Variants in DGKD observed in about 807,000 individuals in gnomAD.
The protein encoded by DGKD is diacylglycerol kinase delta, also known as DAG kinase delta.
Under a neutral mutation model 154.4 loss-of-function variants are expected in DGKD, and 68 were observed. The ratio of observed to expected loss-of-function variants is 0.44; its 90% confidence interval spans 0.36 to 0.54. The LOEUF (loss-of-function observed/expected upper bound fraction) is 0.54, where lower values mean the gene tolerates loss of function less well. Among genes scored for constraint, DGKD ranks in the 20% least tolerant of loss-of-function variants. DGKD has a pLI of 0.00. For synonymous variants in DGKD, 693 were observed against 638.0 expected, an observed-to-expected ratio of 1.09 and a Z score of -1.30; for missense variants, 1,343 against 1,593.6, an observed-to-expected ratio of 0.84 and a Z score of 2.68.
intron 10 of DGKD, chr2:233,442,425 C>T (rs2062927393): frequency 3.2e-6 from 1 of 311,768 alleles, no homozygotes; most frequent in Non-Finnish European, 6.4e-6. Flanking sequence ...ATAGATTTTC[C>T]TGATTGTGTA....
intron 16 of DGKD, among the ~76,000 whole-genome samples, 168 bp downstream of exon 16, chr2:233,450,299 G>A (rs1374297637): frequency 6.6e-6 from 1 of 152,060 alleles, no homozygotes; most frequent in Admixed American, 6.5e-5. Flanking sequence ...TCCTGTGCGC[G>A]CCCTTGAGGT....
rs184457878 is a variant in DGKD, at chr2:233,440,107, A to G, written c.1085+1728A>G. ...CCATGTTTCGTAGTGGGAGTTAAGTATGAGATGGGATGATTTAGGAAGCCC... is the reference window on the plus strand; with the variant it reads ...CCATGTTTCGTAGTGGGAGTTAAGTGTGAGATGGGATGATTTAGGAAGCCC... On this transcript the variant is annotated intron_variant, in intron 9 of 29. Coordinates refer to ENST00000264057, the MANE Select transcript of DGKD (RefSeq NM_152879.3). This position sits in a 1 kb window ranked among gnomAD's most constrained non-coding sequence, Gnocchi z 4.9. 2.3e-4 allele frequency among the ~76,000 whole-genome samples: 35 copies of G among 152,260 alleles called. No individual in the cohort carries two copies. Among genetic ancestry groups the G allele is most frequent in the African/African-American group, 7.0e-4 (29 of 41,548 alleles).
intron 2 of DGKD, among the ~76,000 whole-genome samples, chr2:233,389,261 A>G (rs1049544544): frequency 2.0e-5 from 3 of 152,188 alleles, no homozygotes; most frequent in Non-Finnish European, 4.4e-5. Context: ...TGTGTGCCCT[A>G]TTGTAGGTAG....
chr2:233,436,202 A>G, intron 6 of DGKD, 114 bp from the exon 7 acceptor site: 1 of 1,529,182 alleles, frequency 6.5e-7, no homozygotes, highest in Non-Finnish European at 8.9e-7. Context: ...GCCATCAGGG[A>G]AGGAGCTTGT....
In DGKD at chr2:233,438,766, C is replaced by G. The variant is rs1440036924; in HGVS notation, c.1085+387C>G. Among the ~76,000 whole-genome samples the G allele has an allele frequency of 1.4e-4, 13 of 95,774 alleles. No homozygotes were observed. Among genetic ancestry groups the G allele is most frequent in the Non-Finnish European group, 2.8e-4 (13 of 45,988 alleles). 62.8% of individuals were successfully genotyped at this position (95,774 alleles called of 152,430 possible). A position where few individuals can be genotyped will look rare whatever the true frequency, so the allele number is the denominator to read the frequency against. ...ATCTGTCTATCTATCATCTATCTATCTATCTATCTATCTATCTATCTATCT... is the reference window on the plus strand; with the variant it reads ...ATCTGTCTATCTATCATCTATCTATGTATCTATCTATCTATCTATCTATCT... On this transcript the variant is annotated intron_variant, in intron 9 of 29. Coordinates refer to ENST00000264057, the MANE Select transcript of DGKD (RefSeq NM_152879.3). This position sits in a 1 kb window ranked among gnomAD's most constrained non-coding sequence, Gnocchi z 4.1.
At chr2:233,402,919 A>G (rs73995925) in intron 3 of DGKD, among the ~76,000 whole-genome samples, 1,936 of 152,264 alleles carry the variant, frequency 0.013, 32 homozygotes, top group African/African-American at 0.044. Context: ...ACTCTGGGAG[A>G]CTTCTAACAG....
Position 233,446,799 on chromosome 2 carries a change from A to G in DGKD, c.1419+3A>G. The G allele has an allele frequency of 5.0e-6, 8 of 1,614,068 alleles. No homozygotes were observed. The highest frequency in any genetic ancestry group is 1.1e-5 in the South Asian group (1 of 91,082). On this transcript the variant is annotated splice_donor_region_variant and intron_variant, in intron 12 of 29. Transcript: ENST00000264057. ...AAGACTTCAGCGAGGATTCCGAGGT[A>G]TTGCTGGCCTGTTCTTCACACCCTG...
At chr2:233,455,000 G>A in intron 19 of DGKD, 127 bp downstream of exon 19, 2 of 611,808 alleles carry the variant, frequency 3.3e-6, no homozygotes, top group Non-Finnish European at 5.7e-6. Context: ...GGGCAGAAAT[G>A]GAGCCCAGAT....
intron 4 of DGKD, 137 bp downstream of exon 4, chr2:233,434,621 C>T: frequency 6.9e-7 from 1 of 1,439,326 alleles, no homozygotes; most frequent in Non-Finnish European, 9.6e-7. Flanking sequence ...ACAATTAAAG[C>T]TTATTGCTTG....
intron 19 of DGKD, among the ~76,000 whole-genome samples, chr2:233,456,515 T>C (rs1301934969): frequency 1.3e-5 from 2 of 152,222 alleles, no homozygotes; most frequent in Non-Finnish European, 2.9e-5. Context: ...TGGAGGATTA[T>C]GAGGAGTGTC....
chr2:233,394,506 A>ACTCCTG (rs1703864109), intron 3 of DGKD, among the ~76,000 whole-genome samples: 2 of 151,918 alleles, frequency 1.3e-5, no homozygotes, highest in Non-Finnish European at 2.9e-5. Context: ...GGCCTCCCAA[A>ACTCCTG]GTGCTGGGAT....
At chr2:233,369,481 T>G (rs1239639856) in intron 1 of DGKD, among the ~76,000 whole-genome samples, 1 of 152,248 alleles carries the variant, frequency 6.6e-6, no homozygotes, top group Non-Finnish European at 1.5e-5. Context: ...CACGTCTTCC[T>G]GCATCTTAGG....
intron 3 of DGKD, among the ~76,000 whole-genome samples, chr2:233,410,726 G>A (rs1386379926): frequency 6.6e-6 from 1 of 152,102 alleles, no homozygotes; most frequent in East Asian, 1.9e-4. Flanking sequence ...CATAATTGAT[G>A]TACAATAAAC....
At chr2:233,398,841 C>T (rs1258870421) in intron 3 of DGKD, among the ~76,000 whole-genome samples, 1 of 152,080 alleles carries the variant, frequency 6.6e-6, no homozygotes, top group Non-Finnish European at 1.5e-5. Flanking sequence ...CCAGGCTGGT[C>T]TTGAACTCCT....
chr2:233,408,705 C>T (rs764428205), intron 3 of DGKD, among the ~76,000 whole-genome samples: 35 of 152,204 alleles, frequency 2.3e-4, no homozygotes, highest in Non-Finnish European at 3.7e-4. Context: ...AGTCGAGCAC[C>T]GGGCAGAGTA....
At chr2:233,367,845 T>C (rs902333928) in intron 1 of DGKD, among the ~76,000 whole-genome samples, 1 of 102,736 alleles carries the variant, frequency 9.7e-6, no homozygotes, top group Admixed American at 1.0e-4. Flanking sequence ...TTCCTCTTTT[T>C]TTTTTCTTTT....
At chr2:233,371,503 C>T (rs920812941) in intron 1 of DGKD, among the ~76,000 whole-genome samples, 1 of 152,104 alleles carries the variant, frequency 6.6e-6, no homozygotes, top group African/African-American at 2.4e-5. Context: ...TGTTTTCACT[C>T]TCTTGATAGT....
At position 233,388,110 on chromosome 2, in the gene DGKD, G is replaced by A. The variant is rs997034327; in HGVS notation, c.157-147G>A. 10 of 1,498,592 alleles carry A rather than the reference G, an allele frequency of 6.7e-6. No individual in the cohort carries two copies. The African/African-American group carries it at 1.1e-4, about 17-fold the overall frequency. 92.8% of individuals were successfully genotyped at this position (1,498,592 alleles called of 1,614,324 possible). On this transcript the variant is annotated intron_variant, in intron 1 of 29. Transcript: ENST00000264057. ...GCCCCCGGCAGCGTGCTGGGCCTGT[G>A]CATAGGTCAAGGTCTGTTGAGAGTG...
chr2:233,412,006 A>G (rs1335349564), intron 3 of DGKD, among the ~76,000 whole-genome samples: 1 of 152,156 alleles, frequency 6.6e-6, no homozygotes, highest in African/African-American at 2.4e-5. Flanking sequence ...AAATAATTCT[A>G]CACTTTGTTG....
Sources: allele counts gnomAD v4.1 joint callset (sites outside exome capture counted in the v4.1 genomes callset), GRCh38; gene constraint gnomAD v4.1.1; non-coding constraint Gnocchi (gnomAD v3.1); transcripts MANE v1.5; gene names NCBI Gene and HGNC (gene_info 2026-07-23, HGNC 2026-07-21).